The following DNAJC27 variants were observed in gnomAD, a reference collection of about 807,000 sequenced individuals.
DNAJC27 encodes DnaJ heat shock protein family (Hsp40) member C27, also known as dnaJ homolog subfamily C member 27.
DNAJC27 carries 25 observed loss-of-function variants against 31.4 expected under a neutral mutation model. The observed-to-expected ratio is 0.80, with a 90% CI of 0.58 to 1.11. The LOEUF (loss-of-function observed/expected upper bound fraction) is 1.11. Among genes scored for constraint, DNAJC27 ranks in the 50% most tolerant of loss-of-function variants. DNAJC27 has a pLI of 0.00. For missense variants in DNAJC27, 356 were observed against 347.3 expected (o/e 1.02, Z -0.20); for synonymous variants, 106 against 112.7 (o/e 0.94, Z 0.37).
At chr2:24,969,095 C>A (rs1327331517) in intron 1 of DNAJC27, 1 of 177,596 alleles carries the variant, frequency 5.6e-6, no homozygotes. Flanking sequence ...TGAACAATAA[C>A]TACTTCTTAA....
chr2:24,949,440 G>C (rs955855), intron 6 of DNAJC27, among the ~76,000 whole-genome samples: 2 of 152,082 alleles, frequency 1.3e-5, no homozygotes, highest in Non-Finnish European at 2.9e-5. Flanking sequence ...TGCAGGTAGC[G>C]GGAGAAACTC....
At chr2:24,958,624 CT>C in intron 3 of DNAJC27, 1 of 365,536 alleles carries the variant, frequency 2.7e-6, no homozygotes. Flanking sequence ...GATAATACTA[CT>C]TACTTCACAG....
rs922472656 is a variant in DNAJC27 at position 24,971,620 on chromosome 2, G to T, written c.87+198C>A. On this transcript the variant is annotated intron_variant, in intron 1 of 6. Coordinates refer to ENST00000264711, the MANE Select transcript of DNAJC27 (RefSeq NM_016544.3). ...ACACCATCTCCGGAAGAGTGACGTC[G>T]GAGGACGAGGGGGCAACGGAAAGGT... 4 of 492,098 alleles carry T rather than the reference G, an allele frequency of 8.1e-6. No homozygotes were observed. In the Admixed American group the frequency reaches 1.6e-4, roughly 19 times the overall value. 30.5% of individuals were successfully genotyped at this position (492,098 alleles called of 1,614,324 possible).
intron 1 of DNAJC27, among the ~76,000 whole-genome samples, chr2:24,970,283 C>A (rs187746503): frequency 1.3e-5 from 2 of 152,084 alleles, no homozygotes; most frequent in Admixed American, 1.3e-4. Flanking sequence ...TCCAGGTAAA[C>A]AATCGTATTA....
At chr2:24,963,333 C>T (rs1157836086) in intron 3 of DNAJC27, 72 bp downstream of exon 3, 1 of 1,250,274 alleles carries the variant, frequency 8.0e-7, no homozygotes, top group Non-Finnish European at 1.2e-6. Context: ...TTGGTTGTTT[C>T]ATATAATTCT....
chr2:24,966,103 T>C (rs1483832769), intron 2 of DNAJC27, among the ~76,000 whole-genome samples: 1 of 152,150 alleles, frequency 6.6e-6, no homozygotes, highest in Non-Finnish European at 1.5e-5. Context: ...TCCTGACCAA[T>C]AAAGGGCATG....
intron 3 of DNAJC27, among the ~76,000 whole-genome samples, chr2:24,961,084 A>T (rs1666028107): frequency 6.6e-6 from 1 of 152,046 alleles, no homozygotes; most frequent in African/African-American, 2.4e-5. Context: ...GGACAGGCTG[A>T]CTCTCTTGTT....
intron 6 of DNAJC27, among the ~76,000 whole-genome samples, chr2:24,950,097 A>G (rs753519085): frequency 7.0e-6 from 1 of 142,084 alleles, no homozygotes; most frequent in African/African-American, 2.6e-5. Flanking sequence ...TATAGCACTG[A>G]AAAAAAAAAA....
chr2:24,946,989 G>C lies in DNAJC27; in HGVS notation c.*627C>G, dbSNP rs1462123058. ...CCACCTTTTCTCTTAGGACTGGCTT[G>C]TCTCTCCCACTGGTGGCTGCAGAAG... is the stretch of plus-strand genomic sequence containing the variant. On this transcript the variant is annotated 3_prime_UTR_variant, in exon 7 of 7. Coordinates refer to ENST00000264711, the MANE Select transcript of DNAJC27 (RefSeq NM_016544.3). 3 of 152,234 alleles carry C rather than the reference G, an allele frequency of 2.0e-5. No individual in the cohort carries two copies. Among genetic ancestry groups the C allele is most frequent in the Admixed American group, 6.5e-5 (1 of 15,278 alleles). The allele number at this position is 152,234 out of a possible 1,614,324, so 9.4% of individuals were successfully genotyped here. A position where few individuals can be genotyped will look rare whatever the true frequency, so the allele number is the denominator to read the frequency against.
intron 3 of DNAJC27, among the ~76,000 whole-genome samples, chr2:24,958,828 A>G (rs1056187691): frequency 1.3e-5 from 2 of 152,200 alleles, no homozygotes; most frequent in African/African-American, 4.8e-5. Flanking sequence ...AAGGAGCAGC[A>G]TTGACACATG....
At chr2:24,948,051 A>G (rs1406626034) in intron 6 of DNAJC27, among the ~76,000 whole-genome samples, 2 of 152,230 alleles carry the variant, frequency 1.3e-5, no homozygotes, top group African/African-American at 2.4e-5. Flanking sequence ...GGCACTCAGC[A>G]TATCTTTGCT....
chr2:24,957,949 G>A lies in DNAJC27; in HGVS notation c.266C>T (p.Thr89Ile), dbSNP rs1168025992. Residue 89 changes from threonine to isoleucine, a missense_variant, in exon 4 of 7, where the codon ACA (threonine) becomes ATA (isoleucine). By Grantham distance (89) the Thr-to-Ile change is moderately conservative. Transcript: ENST00000264711. ...YEVRNEFYKD[T>I]QGVILVYDVG... ...ATCATAGACCAGTATCACACCCTGTGTGTCCTTGTAAAACTCATTTCGAAC... is the reference window on the plus strand; with the variant it reads ...ATCATAGACCAGTATCACACCCTGTATGTCCTTGTAAAACTCATTTCGAAC... The A allele has an allele frequency of 2.5e-6, 4 of 1,612,138 alleles. No individual in the cohort carries two copies. Among genetic ancestry groups the A allele is most frequent in the Non-Finnish European group, 3.4e-6 (4 of 1,179,438 alleles).
chr2:24,967,855 T>C (rs552953722), intron 1 of DNAJC27, among the ~76,000 whole-genome samples: 64 of 152,326 alleles, frequency 4.2e-4, no homozygotes, highest in South Asian at 1.5e-3. Flanking sequence ...AGATGTCTTC[T>C]ATTCTTATGC....
intron 3 of DNAJC27, among the ~76,000 whole-genome samples, chr2:24,961,335 C>T (rs1457737475): frequency 6.6e-6 from 1 of 152,170 alleles, no homozygotes; most frequent in African/African-American, 2.4e-5. Flanking sequence ...ATTCACAATG[C>T]ACCTAATTAC....
chr2:24,954,815 T>C (rs1665866994), intron 5 of DNAJC27, among the ~76,000 whole-genome samples: 3 of 152,228 alleles, frequency 2.0e-5, no homozygotes, highest in African/African-American at 4.8e-5. Context: ...CGGGCACCTG[T>C]AATCCAGCTA....
Position 24,954,232 on chromosome 2 carries a change from A to G in DNAJC27, c.529-2678T>C, listed in dbSNP as rs143164594. On this transcript the variant is annotated intron_variant, in intron 5 of 6. Transcript: ENST00000264711. Reference sequence around the variant, plus strand: ...GGTGAGATCACTCAAGGCTTACCAGATAACAGCTGCTATGGGGTTGAGAAC... The same window carrying G: ...GGTGAGATCACTCAAGGCTTACCAGGTAACAGCTGCTATGGGGTTGAGAAC... 1.8e-3 allele frequency among the ~76,000 whole-genome samples: 269 copies of G among 152,330 alleles called. 4 individuals carry two copies. Among genetic ancestry groups the G allele is most frequent in the African/African-American group, 6.1e-3 (254 of 41,572 alleles).
rs985317014 is a variant in DNAJC27, at chr2:24,956,905, T to C, written c.528+138A>G. The C allele has an allele frequency of 1.2e-5, 12 of 1,017,216 alleles. No homozygotes were observed. In the African/African-American group the frequency reaches 1.3e-4, roughly 11 times the overall value. The allele number at this position is 1,017,216 out of a possible 1,614,324, so 63.0% of individuals were successfully genotyped here. ...CTTTCTCTCCCCCTTTCTCTATTTC[T>C]ATCTCACTAGATTCTTTGAAAAGAA... On this transcript the variant is annotated intron_variant, in intron 5 of 6. Transcript: ENST00000264711.
At chr2:24,948,249 G>A (rs936052331) in intron 6 of DNAJC27, among the ~76,000 whole-genome samples, 2 of 152,148 alleles carry the variant, frequency 1.3e-5, no homozygotes, top group African/African-American at 4.8e-5. Flanking sequence ...TGACAAGTGT[G>A]TGCTGGGAAA....
chr2:24,951,539 T>C lies in DNAJC27; in HGVS notation c.544A>G (p.Ile182Val), dbSNP rs1231883827. 1.2e-6 allele frequency: 2 copies of C among 1,612,648 alleles called. No individual in the cohort carries two copies. Among genetic ancestry groups the C allele is most frequent in the African/African-American group, 1.3e-5 (1 of 74,912 alleles). ...NEMFQTFYIS[I>V]VDLCENGGKR... is the part of the protein sequence containing the mutation. ...CCGCCATTTTCACATAAATCAACTATGGATATATAAAAGGTCTACAAGAAG... is the reference window on the plus strand; with the variant it reads ...CCGCCATTTTCACATAAATCAACTACGGATATATAAAAGGTCTACAAGAAG... Residue 182 changes from isoleucine (I) to valine (V), a missense_variant, in exon 6 of 7, where the codon ATA becomes GTA. Physicochemically the swap from Ile to Val is conservative, Grantham distance 29 (BLOSUM62 3). Transcript: ENST00000264711.
Sources: allele counts gnomAD v4.1 joint callset (sites outside exome capture counted in the v4.1 genomes callset), GRCh38; gene constraint gnomAD v4.1.1; transcripts MANE v1.5; gene names NCBI Gene and HGNC (gene_info 2026-07-23, HGNC 2026-07-21).